SLTM: variants seen among roughly 807,000 people sequenced by gnomAD.
SLTM encodes the protein SAFB-like transcription modulator.
A neutral mutation model predicts 134.6 loss-of-function variants in SLTM; 43 were observed. That is an observed-to-expected ratio of 0.32 (90% CI 0.25 to 0.41). The LOEUF (loss-of-function observed/expected upper bound fraction) is 0.41, where lower values mean the gene tolerates loss of function less well. Among genes scored for constraint, SLTM ranks in the 10% least tolerant of loss-of-function variants. SLTM has a pLI of 1.00. For missense variants in SLTM, 1,055 were observed against 1,288.8 expected (o/e 0.82, Z 2.78); for synonymous variants, 424 against 432.3 (o/e 0.98, Z 0.24).
chr15:58,897,774 A>G (rs1412833079), intron 8 of SLTM, among the ~76,000 whole-genome samples: 5 of 152,144 alleles, frequency 3.3e-5, no homozygotes, highest in Admixed American at 6.5e-5. Flanking sequence ...TCTAGATTCG[A>G]TAAGAAACAA....
chr15:58,887,924 G>A (rs1483793412), intron 17 of SLTM, among the ~76,000 whole-genome samples: 10 of 152,178 alleles, frequency 6.6e-5, no homozygotes, highest in Non-Finnish European at 1.5e-4. Flanking sequence ...GCTGAGGTGG[G>A]TGGATCACTT....
At chr15:58,888,853 A>G (rs2034433879) in intron 16 of SLTM, 1 of 244,782 alleles carries the variant, frequency 4.1e-6, no homozygotes, top group Non-Finnish European at 7.8e-6. Context: ...TGGAAAAGAC[A>G]AATAAAATAC....
At chr15:58,907,894 A>C (rs1277507214) in intron 5 of SLTM, among the ~76,000 whole-genome samples, 1 of 152,094 alleles carries the variant, frequency 6.6e-6, no homozygotes, top group African/African-American at 2.4e-5. Flanking sequence ...TCTGAACTAA[A>C]GTCTACCTAG....
intron 2 of SLTM, among the ~76,000 whole-genome samples, chr15:58,922,167 G>C (rs1167622360): frequency 1.3e-5 from 2 of 151,890 alleles, no homozygotes; most frequent in Non-Finnish European, 2.9e-5. Flanking sequence ...CTTGAGGTCA[G>C]GAGTGTGCAA....
chr15:58,889,575 A>G, intron 15 of SLTM, 21 bp from the exon 16 acceptor site: 1 of 1,612,872 alleles, frequency 6.2e-7, no homozygotes, highest in African/African-American at 1.3e-5. Context: ...CACAGAATGA[A>G]GAACCAACCA....
At chr15:58,923,915 A>G (rs1169251301) in intron 2 of SLTM, among the ~76,000 whole-genome samples, 1 of 147,740 alleles carries the variant, frequency 6.8e-6, no homozygotes, top group East Asian at 2.0e-4. Context: ...TCCGAGTTCA[A>G]GCAATTCTCC....
chr15:58,930,742 T>TAC, intron 2 of SLTM, among the ~76,000 whole-genome samples: 1 of 148,270 alleles, frequency 6.7e-6, no homozygotes, highest in Non-Finnish European at 1.5e-5. Context: ...ATGATATATA[T>TAC]ACACCTATAT....
At position 58,887,326 on chromosome 15, in the gene SLTM, T is replaced by C. The variant is rs2034301324; in HGVS notation, c.2590A>G (p.Ile864Val). Residue 864 changes from isoleucine to valine, a missense_variant, in exon 18 of 21, where the codon ATC becomes GTC. Ile to Val is a conservative substitution (Grantham distance 29, BLOSUM62 3). Around this residue, in one of 3 missense-constraint regions of SLTM, gnomAD observed 776 missense variants for 962.2 expected, o/e 0.81. Transcript: ENST00000380516. Reference protein sequence around the residue: ...RTVIIHDRPDITHPRHPREAG... With the variant: ...RTVIIHDRPDVTHPRHPREAG... ...TCTCGAGGATGTCTAGGATGAGTGA[T>C]ATCAGGCCTGTCATGAATAATCACC... 1 of 1,614,110 alleles carries C rather than the reference T, an allele frequency of 6.2e-7. No homozygotes were observed.
rs781042470 is a variant in SLTM, at chr15:58,887,478, T to C, written c.2438A>G (p.Asp813Gly). The C allele has an allele frequency of 7.4e-6, 12 of 1,614,022 alleles. No individual in the cohort carries two copies. In the East Asian group the frequency reaches 2.7e-4, roughly 36 times the overall value. The change falls in exon 18 of 21, where the codon GAT becomes GGT. Residue 813 changes from aspartate to glycine, a missense_variant. Transcript: ENST00000380516. ...TTTGGGATATCTTTCGAAGCTTGGATCTTCCCTTCGTGCAGTAGGTCGTGC... is the reference window on the plus strand; with the variant it reads ...TTTGGGATATCTTTCGAAGCTTGGACCTTCCCTTCGTGCAGTAGGTCGTGC... ...KKARPTARREDPSFERYPKNF... is the reference protein window; with the variant it reads ...KKARPTARREGPSFERYPKNF...
chr15:58,904,345 A>G (rs773017412), intron 5 of SLTM, among the ~76,000 whole-genome samples: 21 of 152,122 alleles, frequency 1.4e-4, no homozygotes, highest in Non-Finnish European at 2.6e-4. Flanking sequence ...TTATTAATAA[A>G]TGATATTTGG....
chr15:58,928,416 G>A (rs1454288985), intron 2 of SLTM, among the ~76,000 whole-genome samples: 5 of 152,148 alleles, frequency 3.3e-5, no homozygotes, highest in African/African-American at 1.2e-4. Flanking sequence ...AACAAAGAGA[G>A]TGTGAAGACT....
rs749288063 is a variant in SLTM at position 58,933,603 on chromosome 15, C to G, written c.-38G>C. On this transcript the variant is annotated 5_prime_UTR_variant, in exon 1 of 21. Coordinates refer to ENST00000380516, the MANE Select transcript of SLTM (RefSeq NM_024755.4). ...GCGCGCTGCCGAGGCAGCGAGTGGG[C>G]TGCAGGGCGGCGGCAGCAGCGCCAA... 6 of 1,524,814 alleles carry G rather than the reference C, an allele frequency of 3.9e-6. No individual in the cohort carries two copies. Among genetic ancestry groups the G allele is most frequent in the East Asian group, 2.7e-5 (1 of 37,694 alleles). 94.5% of individuals were successfully genotyped at this position (1,524,814 alleles called of 1,614,324 possible).
Position 58,916,784 on chromosome 15 carries a change from A to T in SLTM, c.315+151T>A, listed in dbSNP as rs565490104. On this transcript the variant is annotated intron_variant, in intron 3 of 20. Coordinates refer to ENST00000380516, the MANE Select transcript of SLTM (RefSeq NM_024755.4). The stretch of plus-strand genomic sequence containing the variant: ...TTTCTCAATTATGAGAGTTAATGAG[A>T]TTGACAATATTAAACGTTGTCAATA... 7 of 566,262 alleles carry T rather than the reference A, an allele frequency of 1.2e-5. No individual in the cohort carries two copies. The African/African-American group carries it at 1.3e-4, about 11-fold the overall frequency. 35.1% of individuals were successfully genotyped at this position (566,262 alleles called of 1,614,324 possible).
intron 19 of SLTM, 140 bp from the exon 20 acceptor site, chr15:58,883,926 C>G (rs941506966): frequency 2.5e-6 from 2 of 801,540 alleles, no homozygotes; most frequent in African/African-American, 1.7e-5. Flanking sequence ...GGTGCAACCC[C>G]GTTTCTACTA....
At chr15:58,928,731 G>A (rs572015903) in intron 2 of SLTM, among the ~76,000 whole-genome samples, 73 of 152,086 alleles carry the variant, frequency 4.8e-4, no homozygotes, top group African/African-American at 1.7e-3. Context: ...GAAGCTTCTC[G>A]TCATTTAACT....
intron 2 of SLTM, among the ~76,000 whole-genome samples, chr15:58,917,341 T>C (rs542950168): frequency 6.6e-6 from 1 of 152,334 alleles, no homozygotes; most frequent in East Asian, 1.9e-4. Context: ...ACTAACTATA[T>C]ATATAGACAC....
intron 5 of SLTM, among the ~76,000 whole-genome samples, chr15:58,910,016 A>G (rs752019914): frequency 1.3e-5 from 2 of 152,246 alleles, no homozygotes; most frequent in African/African-American, 4.8e-5. Context: ...GGATTTAAAC[A>G]GCATATAATA....
At position 58,911,207 on chromosome 15, in the gene SLTM, G is replaced by A. The variant is rs896327815; in HGVS notation, c.561+1356C>T. The stretch of plus-strand genomic sequence containing the variant: ...ACAACTTCTCCTCCACTGTGACAGA[G>A]AGGCAATATATAGCCTCAGAAGCAT... On this transcript the variant is annotated intron_variant, in intron 5 of 20. Transcript: ENST00000380516. Among the ~76,000 whole-genome samples, 3 of 152,256 alleles carry A rather than the reference G, an allele frequency of 2.0e-5. No homozygotes were observed. The East Asian group carries it at 5.8e-4, about 29-fold the overall frequency.
intron 9 of SLTM, 139 bp from the exon 10 acceptor site, chr15:58,894,721 T>G (rs1050153177): frequency 2.4e-6 from 2 of 822,894 alleles, no homozygotes; most frequent in Non-Finnish European, 3.7e-6. Context: ...TTTTTTTTTT[T>G]TGAGATGGAG....
Sources: allele counts gnomAD v4.1 joint callset (sites outside exome capture counted in the v4.1 genomes callset), GRCh38; gene constraint gnomAD v4.1.1; regional missense constraint gnomAD v4.1.1; transcripts MANE v1.5; gene names NCBI Gene and HGNC (gene_info 2026-07-23, HGNC 2026-07-21).